The following TMEM178B variants were observed in gnomAD, a reference collection of about 807,000 sequenced individuals.
The protein encoded by TMEM178B is transmembrane protein 178B.
In TMEM178B, 5 loss-of-function variants were observed where a neutral mutation model predicts 31.0. The ratio of observed to expected loss-of-function variants is 0.16; its 90% confidence interval spans 0.08 to 0.34. The LOEUF (loss-of-function observed/expected upper bound fraction) is 0.34, where lower values mean the gene tolerates loss of function less well. TMEM178B is among the 10% of genes least tolerant of loss of function. The pLI is 1.00. For missense variants in TMEM178B, 275 were observed against 400.3 expected (o/e 0.69, Z 2.67); for synonymous variants, 164 against 164.0 (o/e 1.00, Z 0.00).
chr7:141,187,135 C>T (rs979151123), intron 1 of TMEM178B, among the ~76,000 whole-genome samples: 5 of 131,090 alleles, frequency 3.8e-5, no homozygotes, highest in African/African-American at 1.5e-4. Flanking sequence ...TGTTCCCCTT[C>T]CTGTGTCCAT....
intron 2 of TMEM178B, among the ~76,000 whole-genome samples, chr7:141,282,738 C>T (rs944680160): frequency 6.6e-6 from 1 of 152,202 alleles, no homozygotes; most frequent in African/African-American, 2.4e-5. Flanking sequence ...TTCAAACCCA[C>T]ATAGGACTGT....
At chr7:141,086,862 A>G (rs1563083936) in intron 1 of TMEM178B, among the ~76,000 whole-genome samples, 2 of 151,900 alleles carry the variant, frequency 1.3e-5, no homozygotes, top group East Asian at 1.9e-4. Flanking sequence ...TGATTTTTAT[A>G]TTTTCAATAG....
intron 1 of TMEM178B, among the ~76,000 whole-genome samples, chr7:141,140,953 T>C (rs1041984090): frequency 6.6e-6 from 1 of 152,176 alleles, no homozygotes; most frequent in African/African-American, 2.4e-5. Context: ...GTGAAGTTAT[T>C]TATTTTTCCC....
At chr7:141,091,797 G>T (rs542932697) in intron 1 of TMEM178B, among the ~76,000 whole-genome samples, 14 of 152,222 alleles carry the variant, frequency 9.2e-5, no homozygotes, top group Non-Finnish European at 1.6e-4. Flanking sequence ...GCGTGATCTC[G>T]GCTCACTGAA....
intron 1 of TMEM178B, among the ~76,000 whole-genome samples, chr7:141,185,878 G>A (rs1796602564): frequency 6.6e-6 from 1 of 152,044 alleles, no homozygotes; most frequent in Non-Finnish European, 1.5e-5. Flanking sequence ...GGCTTTTCTG[G>A]GGAGCTGATA....
At chr7:141,172,966 G>A (rs1031167442) in intron 1 of TMEM178B, 1 of 152,180 alleles carries the variant, frequency 6.6e-6, no homozygotes, top group Non-Finnish European at 1.5e-5. Context: ...CAGATTCTAC[G>A]TCTGAACAGG....
chr7:141,219,288 C>T (rs1013870095), intron 2 of TMEM178B, among the ~76,000 whole-genome samples: 2 of 152,114 alleles, frequency 1.3e-5, no homozygotes, highest in East Asian at 1.9e-4. Flanking sequence ...CTATTTTTTT[C>T]TTCATGTTTT....
chr7:141,385,632 A>C (rs892138676), intron 2 of TMEM178B, among the ~76,000 whole-genome samples: 1 of 152,196 alleles, frequency 6.6e-6, no homozygotes, highest in African/African-American at 2.4e-5. Context: ...AGGAGTCAGC[A>C]ACCTTTTTAT....
chr7:141,377,906 CTACAA>C (rs1469699998), intron 2 of TMEM178B, among the ~76,000 whole-genome samples: 1 of 152,128 alleles, frequency 6.6e-6, no homozygotes, highest in Non-Finnish European at 1.5e-5. Flanking sequence ...TATTATATAA[CTACAA>C]TACATTTGTC....
intron 2 of TMEM178B, among the ~76,000 whole-genome samples, chr7:141,246,282 G>T (rs944657394): frequency 6.6e-6 from 1 of 152,130 alleles, no homozygotes; most frequent in East Asian, 1.9e-4. Context: ...TACTTCTTGA[G>T]TAAAATGAAA....
intron 1 of TMEM178B, among the ~76,000 whole-genome samples, chr7:141,179,815 A>T (rs1354135285): frequency 6.6e-6 from 1 of 152,164 alleles, no homozygotes; most frequent in African/African-American, 2.4e-5. Flanking sequence ...ACTGCAAAGA[A>T]GATGAAGTTT....
the TMEM178B span, among the ~76,000 whole-genome samples, chr7:141,499,464 CAAAAAA>C: frequency 5.9e-5 from 3 of 50,714 alleles, no homozygotes; most frequent in Admixed American, 2.1e-4. Context: ...CACATCTCTA[CAAAAAA>C]AAAAAAAAAA....
chr7:141,299,803 G>C (rs1043942290), intron 2 of TMEM178B, among the ~76,000 whole-genome samples: 5 of 151,876 alleles, frequency 3.3e-5, no homozygotes, highest in African/African-American at 1.2e-4. Context: ...GTTTTATTTT[G>C]GAAATGGGGT....
intron 2 of TMEM178B, among the ~76,000 whole-genome samples, chr7:141,421,470 G>A (rs1343382553): frequency 6.6e-6 from 1 of 152,156 alleles, no homozygotes; most frequent in East Asian, 1.9e-4. Context: ...GGCTTTCACA[G>A]ATCTCATCTG....
At chr7:141,361,596 A>T (rs1229180300) in intron 2 of TMEM178B, among the ~76,000 whole-genome samples, 1 of 152,236 alleles carries the variant, frequency 6.6e-6, no homozygotes, top group Non-Finnish European at 1.5e-5. Flanking sequence ...GGCCTGCATG[A>T]CATGACATCC....
chr7:141,175,535 C>T (rs1002020178), intron 1 of TMEM178B, among the ~76,000 whole-genome samples: 2 of 152,162 alleles, frequency 1.3e-5, no homozygotes, highest in African/African-American at 4.8e-5. Flanking sequence ...AGCATTAAAT[C>T]TATAAATTAC....
intron 2 of TMEM178B, among the ~76,000 whole-genome samples, chr7:141,230,949 C>T (rs1012604239): frequency 2.6e-5 from 4 of 152,178 alleles, no homozygotes; most frequent in African/African-American, 9.7e-5. Context: ...TGATCCTCCT[C>T]CCTTGGCCTC....
At chr7:141,409,744 T>C (rs1800947014) in intron 2 of TMEM178B, among the ~76,000 whole-genome samples, 1 of 151,906 alleles carries the variant, frequency 6.6e-6, no homozygotes, top group Non-Finnish European at 1.5e-5. Flanking sequence ...TTTTTTTTTT[T>C]AGAAGTAATT....
chr7:141,322,224 A>G (rs1353704890), intron 2 of TMEM178B, among the ~76,000 whole-genome samples: 1 of 152,100 alleles, frequency 6.6e-6, no homozygotes, highest in Admixed American at 6.5e-5. Flanking sequence ...TCCATTAGAG[A>G]TGTTATAAGA....
Sources: allele counts gnomAD v4.1 joint callset (sites outside exome capture counted in the v4.1 genomes callset), GRCh38; gene constraint gnomAD v4.1.1; transcripts MANE v1.5; gene names NCBI Gene and HGNC (gene_info 2026-07-23, HGNC 2026-07-21).